Variants in DST observed in about 807,000 individuals in gnomAD.
The protein encoded by DST is dystonin.
A neutral mutation model predicts 875.2 loss-of-function variants in DST; 253 were observed. That is an observed-to-expected ratio of 0.29 (90% CI 0.26 to 0.32). The LOEUF is 0.32. Among genes scored for constraint, DST ranks in the 10% least tolerant of loss-of-function variants. The pLI is 1.00. For missense variants in DST, 8,287 were observed against 9,111.6 expected (o/e 0.91, Z 3.68); for synonymous variants, 3,124 against 3,197.1 (o/e 0.98, Z 0.77).
At chr6:56,953,126 A>G (rs1823199619) in intron 2 of DST, among the ~76,000 whole-genome samples, 1 of 152,218 alleles carries the variant, frequency 6.6e-6, no homozygotes, top group Non-Finnish European at 1.5e-5. Flanking sequence ...TCTTAGGATA[A>G]GTGGAGGTTG....
chr6:56,460,339 G>A, intron 102 of DST, 85 bp from the exon 103 acceptor site: 1 of 1,462,394 alleles, frequency 6.8e-7, no homozygotes, highest in Non-Finnish European at 9.4e-7. Context: ...ACATATGGGT[G>A]GAAACTCTCT....
At chr6:56,580,354 C>G (rs1319110028) in intron 49 of DST, among the ~76,000 whole-genome samples, 1 of 151,752 alleles carries the variant, frequency 6.6e-6, no homozygotes, top group African/African-American at 2.4e-5. Context: ...CAAGACCAGC[C>G]TGGGTAATAA....
At chr6:56,750,416 A>G (rs1473710971) in intron 4 of DST, among the ~76,000 whole-genome samples, 1 of 152,128 alleles carries the variant, frequency 6.6e-6, no homozygotes, top group African/African-American at 2.4e-5. Context: ...ACCAAAGGCA[A>G]ACTTTGAAGA....
At chr6:56,930,425 G>A (rs1809563194) in intron 2 of DST, among the ~76,000 whole-genome samples, 1 of 152,202 alleles carries the variant, frequency 6.6e-6, no homozygotes, top group Non-Finnish European at 1.5e-5. Context: ...AATGAAATGT[G>A]TAGGAATCTC....
intron 3 of DST, among the ~76,000 whole-genome samples, chr6:56,875,474 T>C (rs1430327556): frequency 2.0e-5 from 3 of 152,254 alleles, no homozygotes; most frequent in Admixed American, 6.5e-5. Context: ...TGCACAATTA[T>C]ACAAAAGTTG....
Position 56,605,975 on chromosome 6 carries a change from C to T in DST, c.8653G>A (p.Glu2885Lys), listed in dbSNP as rs527816791. The T allele has an allele frequency of 4.0e-5, 65 of 1,612,690 alleles. No individual in the cohort carries two copies. In the South Asian group the frequency reaches 6.7e-4, roughly 17 times the overall value. The change falls in exon 40 of 104, where the codon GAA (glutamate) becomes AAA (lysine). Residue 2885 changes from glutamate (E) to lysine (K), a missense_variant. Physicochemically the swap from Glu to Lys is moderately conservative, Grantham distance 56 (BLOSUM62 1). Coordinates refer to ENST00000680361, the MANE Select transcript of DST (RefSeq NM_001374736.1). Reference protein sequence around the residue: ...VNVVQLASPSENNLVTEKSNL... With the variant: ...VNVVQLASPSKNNLVTEKSNL... ...CTTTTTTCAGTAACTAAGTTATTTT[C>T]ACTAGGTGATGCTAGCTGTACAACA...
chr6:56,855,383 T>C (rs1767365328), intron 3 of DST, among the ~76,000 whole-genome samples: 1 of 152,240 alleles, frequency 6.6e-6, no homozygotes, highest in South Asian at 2.1e-4. Context: ...ACGTGAGCTA[T>C]ACATACATTT....
At chr6:56,610,621 T>A in intron 38 of DST, 59 bp from the exon 39 acceptor site, 1 of 1,414,370 alleles carries the variant, frequency 7.1e-7, no homozygotes, top group Non-Finnish European at 9.5e-7. Context: ...GATAAAGATG[T>A]ATTAGGTTCA....
chr6:56,663,643 T>C (rs944974106), intron 10 of DST, among the ~76,000 whole-genome samples: 3 of 152,216 alleles, frequency 2.0e-5, no homozygotes, highest in Admixed American at 6.5e-5. Context: ...CTCCAGGTCA[T>C]GCTATTAAAC....
At chr6:56,699,555 A>G (rs2099283274) in intron 9 of DST, 98 bp downstream of exon 9, 1 of 601,850 alleles carries the variant, frequency 1.7e-6, no homozygotes, top group African/African-American at 2.0e-5. Flanking sequence ...CTTGAAATTT[A>G]TTTTTCTTCC....
Position 56,469,081 on chromosome 6 carries a change from C to T in DST, c.22552-82G>A, listed in dbSNP as rs80134822. The stretch of plus-strand genomic sequence containing the variant: ...TATGACTCTAGAACATACACACATA[C>T]TCACACTCTGTGCTTCTGGATGTAG... On this transcript the variant is annotated intron_variant, in intron 97 of 103. Transcript: ENST00000680361. 1.8e-3 allele frequency: 1,987 copies of T among 1,083,986 alleles called. 27 individuals carry two copies. The African/African-American group carries it at 0.027, about 15-fold the overall frequency. The allele number at this position is 1,083,986 out of a possible 1,614,324, so 67.1% of individuals were successfully genotyped here. A position where few individuals can be genotyped will look rare whatever the true frequency, so the allele number is the denominator to read the frequency against.
rs1370639469 is a variant in DST, at chr6:56,476,157, C to G, written c.21856G>C (p.Glu7286Gln). The G allele has an allele frequency of 6.2e-7, 1 of 1,604,782 alleles. No homozygotes were observed. Among genetic ancestry groups the G allele is most frequent in the Non-Finnish European group, 8.5e-7 (1 of 1,175,966 alleles). The stretch of plus-strand genomic sequence containing the variant: ...GATTATATTTATTTTACCTGGTGTT[C>G]TGCAATGAGTGCTTTCACCTCTTCG... ...EIEEVKALIA[E>Q]HQTFMEEMTR... Residue 7286 changes from glutamate (E) to glutamine (Q), a missense_variant, in exon 92 of 104, where the codon GAA (glutamate) becomes CAA (glutamine). Glu to Gln is a conservative substitution (Grantham distance 29, BLOSUM62 2). Around this residue, in one of 10 missense-constraint regions of DST, gnomAD observed 1,292 missense variants for 1,552.7 expected, o/e 0.83. Transcript: ENST00000680361.
intron 10 of DST, among the ~76,000 whole-genome samples, chr6:56,665,759 G>C (rs1487739251): frequency 1.3e-5 from 2 of 152,024 alleles, no homozygotes; most frequent in East Asian, 3.8e-4. Flanking sequence ...TGGGTGACAG[G>C]ACCAGTTGTA....
intron 4 of DST, among the ~76,000 whole-genome samples, chr6:56,800,206 CA>C (rs1231404722): frequency 6.6e-6 from 1 of 152,122 alleles, no homozygotes; most frequent in Non-Finnish European, 1.5e-5. Flanking sequence ...GGAACTGAAA[CA>C]CTTCATTTTC....
At chr6:56,543,904 C>T (rs901043491) in intron 61 of DST, among the ~76,000 whole-genome samples, 2 of 152,206 alleles carry the variant, frequency 1.3e-5, no homozygotes, top group South Asian at 4.2e-4. Flanking sequence ...AAAACTCTAT[C>T]GGTAACTCAT....
rs766064417 is a variant in DST, at chr6:56,573,805, T to G, written c.13110A>C (p.Ser4370=). The change falls in exon 51 of 104, where the codon TCA becomes TCC. Residue 4370 remains serine (S), a synonymous_variant. Transcript: ENST00000680361. The stretch of plus-strand genomic sequence containing the variant: ...CATCCAAGCCATCCTGCACACTCAG[T>G]GAACGGGTCAAGGTTATCTGGAGTT... The part of the protein sequence containing the change: ...NEKLQITLTR[S]LSVQDGLDEM... The G allele has an allele frequency of 6.2e-7, 1 of 1,613,628 alleles. No individual in the cohort carries two copies. The highest frequency in any genetic ancestry group is 1.3e-5 in the African/African-American group (1 of 75,042).
intron 13 of DST, among the ~76,000 whole-genome samples, chr6:56,647,471 T>A (rs2098949964): frequency 6.6e-6 from 1 of 152,180 alleles, no homozygotes; most frequent in Non-Finnish European, 1.5e-5. Flanking sequence ...AATGAATAAC[T>A]CTAATGGAGC....
At chr6:56,632,802 G>A in intron 28 of DST, 52 bp downstream of exon 28, 1 of 1,507,232 alleles carries the variant, frequency 6.6e-7, no homozygotes, top group Non-Finnish European at 9.2e-7. Flanking sequence ...GCAAAAAATA[G>A]CCAGAACTAA....
At chr6:56,658,168 T>A (rs918076562) in intron 10 of DST, among the ~76,000 whole-genome samples, 6 of 152,158 alleles carry the variant, frequency 3.9e-5, no homozygotes, top group Admixed American at 2.6e-4. Context: ...GTTCAAGCGA[T>A]CCTCCTGCCT....
Sources: allele counts gnomAD v4.1 joint callset (sites outside exome capture counted in the v4.1 genomes callset), GRCh38; gene constraint gnomAD v4.1.1; regional missense constraint gnomAD v4.1.1; transcripts MANE v1.5; gene names NCBI Gene and HGNC (gene_info 2026-07-23, HGNC 2026-07-21).